SNX29: variants seen among roughly 807,000 people sequenced by gnomAD.
SNX29 encodes sorting nexin 29, also known as sorting nexin-29.
In SNX29, 78 loss-of-function variants were observed where a neutral mutation model predicts 102.1. That is an observed-to-expected ratio of 0.76 (90% CI 0.64 to 0.92). The LOEUF is 0.92. Among genes scored for constraint, SNX29 ranks in the 40% least tolerant of loss-of-function variants. The probability of loss-of-function intolerance (pLI) is 0.00; values close to 1 mark genes in which losing one functional copy is unlikely to be tolerated. For missense variants in SNX29, 1,280 were observed against 1,061.7 expected, an observed-to-expected ratio of 1.21 and a Z score of -2.86; for synonymous variants, 580 against 414.5, an observed-to-expected ratio of 1.40 and a Z score of -4.85.
intron 11 of SNX29, among the ~76,000 whole-genome samples, chr16:12,107,085 T>G (rs908423276): frequency 1.3e-5 from 2 of 152,236 alleles, no homozygotes; most frequent in Admixed American, 1.3e-4. Context: ...CCCAGAGTGC[T>G]GGGATTCCAG....
intron 1 of SNX29, among the ~76,000 whole-genome samples, chr16:11,985,229 G>A (rs1201825357): frequency 6.6e-6 from 1 of 152,012 alleles, no homozygotes; most frequent in Admixed American, 6.6e-5. Context: ...AGAAATTTGG[G>A]GTTCAACATT....
At chr16:12,245,599 T>A (rs2078237546) in intron 14 of SNX29, among the ~76,000 whole-genome samples, 1 of 152,124 alleles carries the variant, frequency 6.6e-6, no homozygotes, top group Non-Finnish European at 1.5e-5. Context: ...TATTTTTTCC[T>A]TTTTGACCAA....
intron 18 of SNX29, among the ~76,000 whole-genome samples, chr16:12,464,152 G>A (rs147203580): frequency 4.7e-4 from 71 of 151,106 alleles, no homozygotes; most frequent in Admixed American, 1.6e-3. Context: ...GGTGTAATAC[G>A]ATCCCCTCCA....
intron 20 of SNX29, among the ~76,000 whole-genome samples, chr16:12,540,193 G>A (rs1002997692): frequency 6.6e-6 from 1 of 152,064 alleles, no homozygotes; most frequent in Non-Finnish European, 1.5e-5. Flanking sequence ...TTTGTGTCAG[G>A]TCCAAGGATT....
intron 19 of SNX29, among the ~76,000 whole-genome samples, chr16:12,482,846 T>G (rs2088011637): frequency 6.6e-6 from 1 of 152,248 alleles, no homozygotes; most frequent in African/African-American, 2.4e-5. Context: ...TGAATCTTTT[T>G]TAATTGACAA....
At chr16:12,020,167 T>G (rs963288215) in intron 3 of SNX29, among the ~76,000 whole-genome samples, 2 of 151,846 alleles carry the variant, frequency 1.3e-5, no homozygotes, top group Non-Finnish European at 2.9e-5. Context: ...CTGTCACCCA[T>G]GCTAAAGTGC....
At chr16:12,412,811 AT>A (rs1275963102) in intron 18 of SNX29, among the ~76,000 whole-genome samples, 2 of 152,144 alleles carry the variant, frequency 1.3e-5, no homozygotes, top group African/African-American at 4.8e-5. Flanking sequence ...GAATTTTTAT[AT>A]TTACTTTTTA....
chr16:12,417,074 C>G (rs1328295982), intron 18 of SNX29, among the ~76,000 whole-genome samples: 1 of 152,248 alleles, frequency 6.6e-6, no homozygotes, highest in Non-Finnish European at 1.5e-5. Context: ...CCAGGTGCAG[C>G]CAGGGTGCCA....
In SNX29 at chr16:12,002,799, G is replaced by C. The variant is rs554812244; in HGVS notation, c.70-192G>C. On this transcript the variant is annotated intron_variant, in intron 2 of 20. Transcript: ENST00000566228. ...AGATAAGGGTTTCCTTTAAGTGGCAGCTTCAAGGCTGGGGTGCGCACCTTC... is the reference window on the plus strand; with the variant it reads ...AGATAAGGGTTTCCTTTAAGTGGCACCTTCAAGGCTGGGGTGCGCACCTTC... Among the ~76,000 whole-genome samples, 5 of 152,332 alleles carry C rather than the reference G, an allele frequency of 3.3e-5. No homozygotes were observed. The South Asian group carries it at 8.3e-4, about 25-fold the overall frequency.
chr16:12,189,137 CT>C lies in SNX29; in HGVS notation c.1596-10463del, dbSNP rs1842223155. Among the ~76,000 whole-genome samples, 3 of 152,240 alleles carry C rather than the reference CT, an allele frequency of 2.0e-5. No homozygotes were observed. In the Middle Eastern group the frequency reaches 0.01, roughly 518 times the overall value. ...CTTTTTACTTTTTAATTTTTCACCC[CT>C]GAGTCTGTTAATGTGTTTCCTACAA... On this transcript the variant is annotated intron_variant, in intron 13 of 20. Transcript: ENST00000566228.
chr16:11,993,908 G>A (rs2055954685), intron 1 of SNX29, among the ~76,000 whole-genome samples: 1 of 152,194 alleles, frequency 6.6e-6, no homozygotes, highest in Admixed American at 6.5e-5. Context: ...ATCACCTGAG[G>A]TCAGGAGTTT....
At chr16:12,356,859 G>A (rs892138603) in intron 16 of SNX29, among the ~76,000 whole-genome samples, 2 of 152,216 alleles carry the variant, frequency 1.3e-5, no homozygotes, top group African/African-American at 4.8e-5. Context: ...GCTTCACCTC[G>A]CCAGGTTTTG....
At chr16:12,192,747 G>C in intron 13 of SNX29, among the ~76,000 whole-genome samples, 2 of 152,146 alleles carry the variant, frequency 1.3e-5, no homozygotes, top group East Asian at 3.9e-4. Context: ...CTTTCACCCA[G>C]GCTGGAGTTC....
intron 16 of SNX29, among the ~76,000 whole-genome samples, chr16:12,367,705 T>C (rs1041065553): frequency 6.6e-6 from 1 of 152,240 alleles, no homozygotes; most frequent in Non-Finnish European, 1.5e-5. Flanking sequence ...TAGCTAATGA[T>C]CAAGTACCAA....
intron 20 of SNX29, among the ~76,000 whole-genome samples, chr16:12,567,464 T>A (rs2079059059): frequency 6.6e-6 from 1 of 152,200 alleles, no homozygotes; most frequent in African/African-American, 2.4e-5. Flanking sequence ...TGTGTCCCCT[T>A]ATCTAGCAAA....
intron 11 of SNX29, among the ~76,000 whole-genome samples, chr16:12,111,911 G>C (rs2053516701): frequency 6.6e-6 from 1 of 152,138 alleles, no homozygotes; most frequent in African/African-American, 2.4e-5. Flanking sequence ...GTGGTGGGGG[G>C]TCTAGGAAGC....
chr16:12,246,329 C>G (rs1596619254), intron 14 of SNX29, among the ~76,000 whole-genome samples: 1 of 152,080 alleles, frequency 6.6e-6, no homozygotes, highest in East Asian at 1.9e-4. Context: ...CTAATGCCCT[C>G]AATGTCTGCA....
intron 18 of SNX29, among the ~76,000 whole-genome samples, chr16:12,457,097 G>A (rs1237282910): frequency 6.6e-6 from 1 of 152,174 alleles, no homozygotes; most frequent in Non-Finnish European, 1.5e-5. Flanking sequence ...TTACTAAGTA[G>A]CAATACATTC....
intron 15 of SNX29, among the ~76,000 whole-genome samples, chr16:12,281,910 T>G (rs1464987331): frequency 2.0e-5 from 3 of 151,686 alleles, no homozygotes; most frequent in Non-Finnish European, 2.9e-5. Context: ...GTCTGCCAGA[T>G]AGAATCTGTT....
Sources: allele counts gnomAD v4.1 joint callset (sites outside exome capture counted in the v4.1 genomes callset), GRCh38; gene constraint gnomAD v4.1.1; transcripts MANE v1.5; gene names NCBI Gene and HGNC (gene_info 2026-07-23, HGNC 2026-07-21).